Variants in L3MBTL4 observed in about 807,000 individuals in gnomAD.
L3MBTL4 encodes the protein lethal(3)malignant brain tumor-like protein 4.
L3MBTL4 carries 70 observed loss-of-function variants against 84.5 expected under a neutral mutation model. That is an observed-to-expected ratio of 0.83 (90% CI 0.68 to 1.01). The LOEUF (loss-of-function observed/expected upper bound fraction) is 1.01, where lower values mean the gene tolerates loss of function less well. L3MBTL4 is among the 50% of genes least tolerant of loss of function. The pLI, the probability that L3MBTL4 is intolerant of heterozygous loss-of-function variation, is 0.00. For missense variants in L3MBTL4, 715 were observed against 754.8 expected (o/e 0.95, Z 0.62); for synonymous variants, 274 against 259.8 (o/e 1.05, Z -0.52).
At chr18:6,312,966 T>C (rs2050908868) in intron 1 of L3MBTL4, among the ~76,000 whole-genome samples, 1 of 152,166 alleles carries the variant, frequency 6.6e-6, no homozygotes, top group Admixed American at 6.5e-5. Context: ...ACTTATCTAA[T>C]TTGAACTCGT....
At chr18:5,967,598 T>C (rs778595791) in intron 17 of L3MBTL4, among the ~76,000 whole-genome samples, 4 of 152,188 alleles carry the variant, frequency 2.6e-5, no homozygotes, top group Non-Finnish European at 5.9e-5. Context: ...CAGGTGCCTA[T>C]TAAGTGCAGA....
intron 13 of L3MBTL4, among the ~76,000 whole-genome samples, chr18:6,148,918 G>C (rs931082651): frequency 1.3e-5 from 2 of 151,828 alleles, no homozygotes; most frequent in Admixed American, 6.6e-5. Flanking sequence ...AGATAGCCCT[G>C]TTCCATTTTT....
chr18:6,326,224 C>G lies in L3MBTL4; in HGVS notation c.-90-14168G>C, dbSNP rs571729728. Among the ~76,000 whole-genome samples the G allele has an allele frequency of 1.4e-3, 208 of 152,300 alleles. 2 individuals carry two copies. The highest frequency in any genetic ancestry group is 1.9e-3 in the Non-Finnish European group (129 of 68,018). On this transcript the variant is annotated intron_variant, in intron 1 of 18. Coordinates refer to ENST00000317931, the MANE Select transcript of L3MBTL4 (RefSeq NM_001330559.2). The stretch of plus-strand genomic sequence containing the variant: ...ATACGGAAATCACAAGAAAGATAAA[C>G]TGACTCTGGCTCTCTTAAGCAAAAA...
intron 16 of L3MBTL4, among the ~76,000 whole-genome samples, chr18:6,048,026 C>A (rs1335381283): frequency 2.0e-5 from 3 of 152,174 alleles, no homozygotes; most frequent in African/African-American, 4.8e-5. Flanking sequence ...TACCAAAAGC[C>A]TCCTAGAACA....
At position 6,241,383 on chromosome 18, in the gene L3MBTL4, T is replaced by C; in HGVS notation, c.527A>G (p.Lys176Arg). The C allele has an allele frequency of 1.3e-6, 2 of 1,599,282 alleles. No homozygotes were observed. The highest frequency in any genetic ancestry group is 1.7e-6 in the Non-Finnish European group (2 of 1,169,944). Residue 176 changes from lysine (K) to arginine (R), a missense_variant, in exon 8 of 19, where the codon AAG (lysine) becomes AGG (arginine). Physicochemically the swap from Lys to Arg is conservative, Grantham distance 26. Transcript: ENST00000317931. ...LKACKLQNAP[K>R]KLFRNRSPNG... ...AGGACTTCTGTTTCTGAATAATTTC[T>C]TTGGAGCATTTTGCAATTTGCAGGC...
At chr18:6,242,147 TG>T (rs1009874001) in intron 7 of L3MBTL4, among the ~76,000 whole-genome samples, 6 of 152,152 alleles carry the variant, frequency 3.9e-5, no homozygotes, top group African/African-American at 1.2e-4. Flanking sequence ...CTTCCAGGCC[TG>T]GGAACACCAC....
chr18:5,963,838 A>AT (rs1015828534), intron 17 of L3MBTL4, among the ~76,000 whole-genome samples: 9 of 151,820 alleles, frequency 5.9e-5, no homozygotes, highest in Non-Finnish European at 1.2e-4. Flanking sequence ...AAAGAGAGAG[A>AT]TTTTTTTTCT....
At chr18:6,023,338 A>G (rs1598463008) in intron 16 of L3MBTL4, among the ~76,000 whole-genome samples, 1 of 152,350 alleles carries the variant, frequency 6.6e-6, no homozygotes, top group Non-Finnish European at 1.5e-5. Flanking sequence ...TGGAAAGATA[A>G]AAGAAAGTCC....
chr18:6,201,462 T>C (rs2045645518), intron 12 of L3MBTL4, among the ~76,000 whole-genome samples: 2 of 152,152 alleles, frequency 1.3e-5, no homozygotes, highest in African/African-American at 4.8e-5. Flanking sequence ...CATGAAATGA[T>C]CAGAATGCCA....
chr18:6,285,832 A>ATTT (rs2049551274), intron 4 of L3MBTL4, among the ~76,000 whole-genome samples: 1 of 146,500 alleles, frequency 6.8e-6, no homozygotes, highest in South Asian at 2.2e-4. Flanking sequence ...TATTATTATT[A>ATTT]TTATTATTAT....
At chr18:6,167,340 A>C (rs184718633) in intron 13 of L3MBTL4, among the ~76,000 whole-genome samples, 5 of 152,234 alleles carry the variant, frequency 3.3e-5, no homozygotes, top group African/African-American at 1.2e-4. Flanking sequence ...GGCCAGCATC[A>C]TCCTGATACC....
At chr18:6,356,498 AATT>A (rs879724219) in intron 1 of L3MBTL4, among the ~76,000 whole-genome samples, 2 of 152,232 alleles carry the variant, frequency 1.3e-5, no homozygotes, top group Non-Finnish European at 2.9e-5. Context: ...ATCATAGTGC[AATT>A]ACACAAACCT....
At chr18:6,017,242 G>T (rs492952) in intron 16 of L3MBTL4, among the ~76,000 whole-genome samples, 12,432 of 152,240 alleles carry the variant, frequency 0.082, 699 homozygotes, top group African/African-American at 0.16. Flanking sequence ...CATGCAAAAT[G>T]GATTTAAATG....
intron 1 of L3MBTL4, among the ~76,000 whole-genome samples, chr18:6,403,222 A>G (rs1266706194): frequency 1.3e-5 from 2 of 152,236 alleles, no homozygotes; most frequent in Non-Finnish European, 2.9e-5. Flanking sequence ...ACATATCATC[A>G]GAAAGTATTT....
intron 1 of L3MBTL4, among the ~76,000 whole-genome samples, chr18:6,319,689 T>C (rs1317254149): frequency 6.6e-6 from 1 of 152,126 alleles, no homozygotes; most frequent in Non-Finnish European, 1.5e-5. Flanking sequence ...ACAGCTTGAA[T>C]TTTACCAGAC....
chr18:5,973,528 G>T (rs573686991), intron 16 of L3MBTL4, among the ~76,000 whole-genome samples: 1 of 145,174 alleles, frequency 6.9e-6, no homozygotes, highest in South Asian at 2.2e-4. Flanking sequence ...CGAATATACT[G>T]ATTTTAACTT....
chr18:6,266,433 A>G (rs1166747453), intron 4 of L3MBTL4, among the ~76,000 whole-genome samples: 2 of 152,222 alleles, frequency 1.3e-5, no homozygotes, highest in Non-Finnish European at 1.5e-5. Context: ...TTTAGCATCT[A>G]TCTTTGCTGT....
intron 12 of L3MBTL4, among the ~76,000 whole-genome samples, chr18:6,202,187 C>T (rs2045677113): frequency 6.6e-6 from 1 of 152,206 alleles, no homozygotes; most frequent in African/African-American, 2.4e-5. Flanking sequence ...TCATCTCTGA[C>T]CATGTGGCAG....
intron 1 of L3MBTL4, among the ~76,000 whole-genome samples, chr18:6,371,532 T>C (rs1388963390): frequency 6.6e-6 from 1 of 152,108 alleles, no homozygotes; most frequent in Non-Finnish European, 1.5e-5. Context: ...GAAAGCCAAC[T>C]CTGCCTGGCA....
Sources: allele counts gnomAD v4.1 joint callset (sites outside exome capture counted in the v4.1 genomes callset), GRCh38; gene constraint gnomAD v4.1.1; transcripts MANE v1.5; gene names NCBI Gene and HGNC (gene_info 2026-07-23, HGNC 2026-07-21).